TOP2B: variants seen among roughly 807,000 people sequenced by gnomAD.
TOP2B encodes the protein DNA topoisomerase II beta.
A neutral mutation model predicts 193.5 loss-of-function variants in TOP2B; 51 were observed. The observed-to-expected ratio is 0.26, with a 90% CI of 0.21 to 0.33. The LOEUF (loss-of-function observed/expected upper bound fraction) is 0.33. TOP2B is among the 10% of genes least tolerant of loss of function. TOP2B has a pLI of 1.00. For missense variants in TOP2B, 1,378 were observed against 1,909.3 expected (o/e 0.72, Z 5.19); for synonymous variants, 634 against 635.7 (o/e 1.00, Z 0.04).
chr3:25,621,974 G>C lies in TOP2B; in HGVS notation c.2728-1158C>G, dbSNP rs543163976. Among the ~76,000 whole-genome samples, 86 of 151,450 alleles carry C rather than the reference G, an allele frequency of 5.7e-4. 2 individuals carry two copies. Among genetic ancestry groups the C allele is most frequent in the Admixed American group, 3.9e-3 (59 of 15,246 alleles). On this transcript the variant is annotated intron_variant, in intron 21 of 35. Transcript: ENST00000264331. Reference sequence around the variant, plus strand: ...ACTGTACTCCAGCCTGGGTGACAGAGTGAGACTCTGTCTCAGAAAAAAAAA... The same window carrying C: ...ACTGTACTCCAGCCTGGGTGACAGACTGAGACTCTGTCTCAGAAAAAAAAA...
At chr3:25,622,407 T>C (rs1441919314) in intron 21 of TOP2B, among the ~76,000 whole-genome samples, 3 of 152,136 alleles carry the variant, frequency 2.0e-5, no homozygotes, top group African/African-American at 7.2e-5. Context: ...AAAAATGAAA[T>C]AAAACTTGGA....
intron 27 of TOP2B, 78 bp downstream of exon 27, chr3:25,615,127 T>C: frequency 7.6e-7 from 1 of 1,313,616 alleles, no homozygotes; most frequent in Non-Finnish European, 1.1e-6. Context: ...AAGAAAACTT[T>C]AAGATCACTT....
At chr3:25,642,039 T>G (rs975759596) in intron 4 of TOP2B, among the ~76,000 whole-genome samples, 1 of 152,100 alleles carries the variant, frequency 6.6e-6, no homozygotes, top group Non-Finnish European at 1.5e-5. Flanking sequence ...CCCTTAGCCT[T>G]GAGTCCCAAA....
intron 1 of TOP2B, among the ~76,000 whole-genome samples, chr3:25,663,243 A>G (rs978119252): frequency 3.3e-5 from 5 of 152,204 alleles, no homozygotes; most frequent in East Asian, 1.9e-4. Context: ...CCAAACAAAG[A>G]GAAAACGAAC....
chr3:25,632,289 T>C (rs983424011), intron 10 of TOP2B, among the ~76,000 whole-genome samples, 157 bp downstream of exon 10: 2 of 152,052 alleles, frequency 1.3e-5, no homozygotes, highest in Non-Finnish European at 2.9e-5. Flanking sequence ...AGTCTACCCT[T>C]TAAAGTTATC....
chr3:25,598,623 T>C (rs898789976), intron 35 of TOP2B, 146 bp from the exon 36 acceptor site: 4 of 575,070 alleles, frequency 7.0e-6, no homozygotes, highest in East Asian at 6.5e-5. Flanking sequence ...CTAACCTAAG[T>C]GTAAGACCAG....
In TOP2B at chr3:25,606,085, T is replaced by A. The variant is rs746482078; in HGVS notation, c.4336A>T (p.Asn1446Tyr). The change falls in exon 32 of 36, where the codon AAT becomes TAT. Residue 1446 changes from asparagine to tyrosine, a missense_variant. By Grantham distance (143) the Asn-to-Tyr change is moderately radical. This residue lies in a region of TOP2B where 556 missense variants were observed against 584.2 expected (regional missense o/e 0.95). Transcript: ENST00000264331. ...LHDKKSQDFGNLFSFPSYSQK... is the reference protein window; with the variant it reads ...LHDKKSQDFGYLFSFPSYSQK... The stretch of plus-strand genomic sequence containing the variant: ...GAATATGAAGGAAATGAGAAGAGAT[T>A]TCCAAAATCCTGACTTTTTTTGTCA... 8 of 1,510,212 alleles carry A rather than the reference T, an allele frequency of 5.3e-6. No homozygotes were observed. The highest frequency in any genetic ancestry group is 7.1e-6 in the Non-Finnish European group (8 of 1,121,086). 93.6% of individuals were successfully genotyped at this position (1,510,212 alleles called of 1,614,324 possible). A position where few individuals can be genotyped will look rare whatever the true frequency, so the allele number is the denominator to read the frequency against.
chr3:25,660,550 T>A (rs544319584), intron 1 of TOP2B, among the ~76,000 whole-genome samples: 3 of 152,278 alleles, frequency 2.0e-5, no homozygotes, highest in Middle Eastern at 3.4e-3. Flanking sequence ...GAAAAAGTAA[T>A]TCCAGATGGA....
At chr3:25,640,462 T>C (rs1703225204) in intron 4 of TOP2B, among the ~76,000 whole-genome samples, 1 of 152,110 alleles carries the variant, frequency 6.6e-6, no homozygotes, top group Admixed American at 6.5e-5. Flanking sequence ...ATAAAATAAT[T>C]TTCTAGCAGA....
At chr3:25,663,883 C>G (rs1216225514) in intron 1 of TOP2B, among the ~76,000 whole-genome samples, 1 of 152,106 alleles carries the variant, frequency 6.6e-6, no homozygotes, top group Non-Finnish European at 1.5e-5. Context: ...GACACACTTG[C>G]ATTATCGCCA....
Position 25,623,743 on chromosome 3 carries a change from A to G in TOP2B, c.2499T>C (p.Thr833=), listed in dbSNP as rs777179099. The stretch of plus-strand genomic sequence containing the variant: ...CAGCAGGAAAAAGTAGCCTTGCTAA[A>G]GTGCTAATGAAAACAAAAAGAAGCA... The part of the protein sequence containing the change: ...SPRYIFTMLS[T]LARLLFPAVD... Residue 833 remains threonine, a synonymous_variant, in exon 21 of 36, where the codon ACT becomes ACC. Transcript: ENST00000264331. The G allele has an allele frequency of 1.3e-6, 2 of 1,599,236 alleles. No individual in the cohort carries two copies. The highest frequency in any genetic ancestry group is 1.7e-5 in the Admixed American group (1 of 58,106).
intron 11 of TOP2B, 120 bp downstream of exon 11, chr3:25,630,681 A>C (rs1409690663): frequency 9.6e-7 from 1 of 1,040,752 alleles, no homozygotes; most frequent in East Asian, 2.8e-5. Context: ...ATTTCAATGA[A>C]GTAAAATCAT....
At chr3:25,616,413 GAAAA>G (rs11455813) in intron 25 of TOP2B, among the ~76,000 whole-genome samples, 1 of 114,044 alleles carries the variant, frequency 8.8e-6, no homozygotes, top group Non-Finnish European at 1.9e-5. Context: ...ACCAAAAGAG[GAAAA>G]AAAAAAAAAA....
rs11455813 is a variant in TOP2B, at chr3:25,616,413, G to GAA, written c.3352-829_3352-828dup. On this transcript the variant is annotated intron_variant, in intron 25 of 35. Coordinates refer to ENST00000264331, the MANE Select transcript of TOP2B (RefSeq NM_001330700.2). The stretch of plus-strand genomic sequence containing the variant: ...AGTTTACTTTTGGTAACCAAAAGAG[G>GAA]AAAAAAAAAAAAAAAGCTTTATAAT... 1.1e-3 allele frequency among the ~76,000 whole-genome samples: 126 copies of GAA among 114,036 alleles called. 1 individual carries two copies. Among genetic ancestry groups the GAA allele is most frequent in the African/African-American group, 2.2e-3 (73 of 32,476 alleles). 74.8% of individuals were successfully genotyped at this position (114,036 alleles called of 152,430 possible). A position where few individuals can be genotyped will look rare whatever the true frequency, so the allele number is the denominator to read the frequency against.
chr3:25,637,191 G>T, intron 6 of TOP2B, 24 bp downstream of exon 6: 4 of 1,500,718 alleles, frequency 2.7e-6, no homozygotes, highest in Non-Finnish European at 3.6e-6. Flanking sequence ...TTTAAAAAAA[G>T]AAATAGATGT....
chr3:25,625,977 G>C (rs1438381677), intron 18 of TOP2B, among the ~76,000 whole-genome samples: 1 of 152,028 alleles, frequency 6.6e-6, no homozygotes, highest in Non-Finnish European at 1.5e-5. Context: ...TTTGTGGCTA[G>C]AACTTGAGGG....
At position 25,643,674 on chromosome 3, in the gene TOP2B, A is replaced by C. The variant is rs377061535; in HGVS notation, c.331+20T>G. On this transcript the variant is annotated intron_variant, in intron 3 of 35. Coordinates refer to ENST00000264331, the MANE Select transcript of TOP2B (RefSeq NM_001330700.2). ...ATGATATTAATAGAAACATGCATTA[A>C]ATCCTAAGCAAGTACTCACCCAAAA... is the stretch of plus-strand genomic sequence containing the variant. 39 of 1,573,364 alleles carry C rather than the reference A, an allele frequency of 2.5e-5. No homozygotes were observed. In the East Asian group the frequency reaches 4.3e-4, roughly 17 times the overall value.
intron 28 of TOP2B, among the ~76,000 whole-genome samples, chr3:25,612,184 C>T (rs537021860): frequency 3.8e-4 from 58 of 152,202 alleles, no homozygotes; most frequent in Middle Eastern, 6.8e-3. Context: ...CCTCATGATC[C>T]GCCCGCCTCA....
intron 28 of TOP2B, among the ~76,000 whole-genome samples, chr3:25,610,526 C>A (rs1702343411): frequency 6.6e-6 from 1 of 152,132 alleles, no homozygotes; most frequent in South Asian, 2.1e-4. Flanking sequence ...AGGCACAAAG[C>A]CATCTAACAG....
Sources: gnomAD v4.1 joint callset for allele counts (sites outside exome capture counted in the v4.1 genomes callset) on GRCh38, gnomAD v4.1.1 for gene constraint, gnomAD v4.1.1 regional missense constraint, MANE v1.5 for transcripts, NCBI Gene and HGNC (gene_info 2026-07-23, HGNC 2026-07-21) for gene names.